The following SENP8 variants were observed in gnomAD, a reference collection of about 807,000 sequenced individuals.
SENP8 encodes the protein sentrin-specific protease 8.
Under a neutral mutation model 14.4 loss-of-function variants are expected in SENP8, and 10 were observed. That is an observed-to-expected ratio of 0.69 (90% CI 0.43 to 1.18). The LOEUF is 1.18. Among genes scored for constraint, SENP8 ranks in the 50% most tolerant of loss-of-function variants. The pLI is 0.00. For missense variants in SENP8, 202 were observed against 249.4 expected (o/e 0.81, Z 1.28); for synonymous variants, 94 against 95.5 (o/e 0.98, Z 0.09).
intron 1 of SENP8, among the ~76,000 whole-genome samples, chr15:72,135,757 CTA>C (rs2081322016): frequency 6.6e-6 from 1 of 152,208 alleles, no homozygotes; most frequent in African/African-American, 2.4e-5. Flanking sequence ...AACACAAAAA[CTA>C]TTTCTGAAGA....
At chr15:72,122,464 T>A (rs1176488776) in intron 1 of SENP8, among the ~76,000 whole-genome samples, 1 of 152,242 alleles carries the variant, frequency 6.6e-6, no homozygotes, top group East Asian at 1.9e-4. Flanking sequence ...AACTTACTGC[T>A]CAAATCCAGC....
chr15:72,123,422 G>T (rs900803999), intron 1 of SENP8, among the ~76,000 whole-genome samples: 7 of 151,992 alleles, frequency 4.6e-5, no homozygotes, highest in African/African-American at 1.7e-4. Flanking sequence ...TTCAAAGTTT[G>T]CAATTGTGTA....
At chr15:72,119,830 T>G (rs2081140666) in intron 1 of SENP8, among the ~76,000 whole-genome samples, 1 of 152,240 alleles carries the variant, frequency 6.6e-6, no homozygotes, top group South Asian at 2.1e-4. Context: ...GCGTTATGTT[T>G]GGAATAACTG....
At chr15:72,129,959 G>A (rs1212929927) in intron 1 of SENP8, among the ~76,000 whole-genome samples, 1 of 152,062 alleles carries the variant, frequency 6.6e-6, no homozygotes, top group African/African-American at 2.4e-5. Context: ...GGCCAAGGTG[G>A]TGGATCACCT....
chr15:72,140,065 GC>G lies in SENP8; in HGVS notation c.444del (p.Phe149LeufsTer19). The G allele has an allele frequency of 6.2e-7, 1 of 1,614,156 alleles. No individual in the cohort carries two copies. Among genetic ancestry groups the G allele is most frequent in the Non-Finnish European group, 8.5e-7 (1 of 1,180,034 alleles). ...CTTAGGCAGAAAAGGAGACAAACTG[GC>G]CTTTGTGGAAGAGAAAGCCCCTGCC... ...AFLGRKGDKLAFVEEKAPAQQ... is the reference protein window; with the variant it reads ...AFLGRKGDKLXFVEEKAPAQQ... On this transcript the variant is annotated frameshift_variant, in exon 2 of 2. Coordinates refer to ENST00000340912, the MANE Select transcript of SENP8 (RefSeq NM_145204.4). LOFTEE classifies it high-confidence loss of function.
intron 1 of SENP8, among the ~76,000 whole-genome samples, chr15:72,118,738 G>A (rs1284480179): frequency 6.6e-6 from 1 of 152,138 alleles, no homozygotes; most frequent in Non-Finnish European, 1.5e-5. Context: ...CGAATTAAGT[G>A]GTGTCAGCTT....
intron 1 of SENP8, among the ~76,000 whole-genome samples, chr15:72,136,155 G>A (rs1345036957): frequency 2.0e-5 from 3 of 152,164 alleles, no homozygotes; most frequent in Non-Finnish European, 2.9e-5. Flanking sequence ...AATCCTGTCT[G>A]TTTCATCTGT....
At position 72,143,459 on chromosome 15, in the gene SENP8, T is replaced by G. The variant is rs904673452; in HGVS notation, c.*3197T>G. 1 of 152,216 alleles carries G rather than the reference T, an allele frequency of 6.6e-6. No individual in the cohort carries two copies. Among genetic ancestry groups the G allele is most frequent in the Non-Finnish European group, 1.5e-5 (1 of 68,048 alleles). 9.4% of individuals were successfully genotyped at this position (152,216 alleles called of 1,614,324 possible). A position where few individuals can be genotyped will look rare whatever the true frequency, so the allele number is the denominator to read the frequency against. On this transcript the variant is annotated 3_prime_UTR_variant, in exon 2 of 2. Coordinates refer to ENST00000340912, the MANE Select transcript of SENP8 (RefSeq NM_145204.4). ...GAGAAACTTATTCAAGGATGGTGAA[T>G]AGCAACAACTAACCTTTTTATCACT...
At chr15:72,137,835 T>C (rs2081341117) in intron 1 of SENP8, among the ~76,000 whole-genome samples, 1 of 151,708 alleles carries the variant, frequency 6.6e-6, no homozygotes, top group Admixed American at 6.6e-5. Context: ...AGCCGGGTGT[T>C]GTGGCGGGCG....
At chr15:72,134,918 T>A (rs1339561020) in intron 1 of SENP8, 4 of 289,196 alleles carry the variant, frequency 1.4e-5, no homozygotes, top group Admixed American at 1.2e-4. Context: ...GCATATTGAG[T>A]GCATTAAGCA....
chr15:72,116,622 C>A (rs1255696903), upstream of SENP8, among the ~76,000 whole-genome samples: 5 of 152,096 alleles, frequency 3.3e-5, no homozygotes, highest in Non-Finnish European at 4.4e-5. Flanking sequence ...ATCCAAAAAA[C>A]AGTGAATCCA....
At chr15:72,129,961 G>A (rs979945423) in intron 1 of SENP8, among the ~76,000 whole-genome samples, 1 of 151,992 alleles carries the variant, frequency 6.6e-6, no homozygotes, top group Non-Finnish European at 1.5e-5. Flanking sequence ...CCAAGGTGGT[G>A]GATCACCTGA....
chr15:72,141,090 A>G lies in SENP8; in HGVS notation c.*828A>G, dbSNP rs941748049. The G allele has an allele frequency of 1.3e-5, 2 of 159,694 alleles. No homozygotes were observed. Among genetic ancestry groups the G allele is most frequent in the Non-Finnish European group, 2.9e-5 (2 of 68,072 alleles). The allele number at this position is 159,694 out of a possible 1,614,324, so 9.9% of individuals were successfully genotyped here. ...CCAAAGTTCTTTGGTTCTAAAATTC[A>G]TAGTTGATACCTTCCCAAGGTTACC... On this transcript the variant is annotated 3_prime_UTR_variant, in exon 2 of 2. Coordinates refer to ENST00000340912, the MANE Select transcript of SENP8 (RefSeq NM_145204.4).
chr15:72,123,681 C>T (rs1207353343), intron 1 of SENP8, among the ~76,000 whole-genome samples: 1 of 152,056 alleles, frequency 6.6e-6, no homozygotes, highest in Admixed American at 6.6e-5. Context: ...GCTAGGATTA[C>T]AGTTGTACAC....
intron 1 of SENP8, among the ~76,000 whole-genome samples, chr15:72,137,160 CTT>C (rs757172455): frequency 4.7e-4 from 71 of 152,154 alleles, no homozygotes; most frequent in Middle Eastern, 3.4e-3. Context: ...TTTTTAAACT[CTT>C]TTAGTACTTC....
At chr15:72,125,642 C>CA (rs149649570) in intron 1 of SENP8, among the ~76,000 whole-genome samples, 1 of 150,494 alleles carries the variant, frequency 6.6e-6, no homozygotes, top group Non-Finnish European at 1.5e-5. Flanking sequence ...GATATTCCTC[C>CA]AAAAAAAAGA....
chr15:72,143,029 T>G lies in SENP8; in HGVS notation c.*2767T>G, dbSNP rs969035828. ...CTGGCCAACATGGCGAAACCCCGTC[T>G]CTACTAAAAATACAAAAATTAGCCG... On this transcript the variant is annotated 3_prime_UTR_variant, in exon 2 of 2. Transcript: ENST00000340912. 1 of 152,136 alleles carries G rather than the reference T, an allele frequency of 6.6e-6. No homozygotes were observed. The highest frequency in any genetic ancestry group is 1.5e-5 in the Non-Finnish European group (1 of 68,050). The allele number at this position is 152,136 out of a possible 1,614,324, so 9.4% of individuals were successfully genotyped here.
chr15:72,131,672 C>A (rs1047036956), intron 1 of SENP8, among the ~76,000 whole-genome samples: 1 of 152,110 alleles, frequency 6.6e-6, no homozygotes, highest in African/African-American at 2.4e-5. Flanking sequence ...TTGGAAGATA[C>A]AATAAACTAA....
intron 1 of SENP8, among the ~76,000 whole-genome samples, chr15:72,128,186 A>G (rs1435769315): frequency 3.3e-5 from 5 of 152,198 alleles, no homozygotes; most frequent in Non-Finnish European, 7.3e-5. Context: ...TAACTCTTGG[A>G]TGATGTCTGT....
Sources: gnomAD v4.1 joint callset for allele counts (sites outside exome capture counted in the v4.1 genomes callset) on GRCh38, gnomAD v4.1.1 for gene constraint, MANE v1.5 for transcripts, NCBI Gene and HGNC (gene_info 2026-07-23, HGNC 2026-07-21) for gene names.